Variants in NAV3 observed in about 807,000 individuals in gnomAD.
NAV3 encodes the protein pore membrane and/or filament interacting like protein 1.
NAV3 carries 87 observed loss-of-function variants against 244.7 expected under a neutral mutation model. That is an observed-to-expected ratio of 0.36 (90% CI 0.30 to 0.42). The LOEUF is 0.42. Among genes scored for constraint, NAV3 ranks in the 20% least tolerant of loss-of-function variants. The pLI, the probability that NAV3 is intolerant of heterozygous loss-of-function variation, is 1.00. For synonymous variants in NAV3, 1,126 were observed against 1,042.2 expected (o/e 1.08, Z -1.55); for missense variants, 2,663 against 2,893.3 (o/e 0.92, Z 1.83).
At chr12:78,080,046 C>T (rs887116981) in intron 12 of NAV3, among the ~76,000 whole-genome samples, 2 of 152,030 alleles carry the variant, frequency 1.3e-5, no homozygotes, top group African/African-American at 4.8e-5. Context: ...AACCTGTTGC[C>T]CTCTTCCCCA....
Position 77,889,022 on chromosome 12 carries a change from A to G in NAV3, c.244-51297A>G, listed in dbSNP as rs1044090536. Among the ~76,000 whole-genome samples the G allele has an allele frequency of 5.5e-4, 84 of 152,334 alleles. 1 individual carries two copies. Among genetic ancestry groups the G allele is most frequent in the African/African-American group, 1.9e-3 (81 of 41,584 alleles). ...CAAACCTGCATCTGCTGGGCCCAGC[A>G]TGATGGTTAGCATCCACCTTTTGTG... is the stretch of plus-strand genomic sequence containing the variant. On this transcript the variant is annotated intron_variant, in intron 1 of 39. Transcript: ENST00000397909.
intron 2 of NAV3, among the ~76,000 whole-genome samples, chr12:77,579,560 AT>A (rs1376376431): frequency 3.9e-5 from 6 of 152,192 alleles, no homozygotes; most frequent in Non-Finnish European, 7.4e-5. Flanking sequence ...CAACCCAACC[AT>A]GAGGGTGGAG....
At position 78,119,796 on chromosome 12, in the gene NAV3, A is replaced by G. The variant is rs753329600; in HGVS notation, c.3600A>G (p.Glu1200=). ...SPVTVNQTDK[E]KEKVAVSDSE... ...TCACCGTCAACCAAACAGACAAGGA[A>G]AAGGAAAAAGTAGCAGTCTCAGATT... Residue 1200 remains glutamate (E), a synonymous_variant, in exon 15 of 40, where the codon GAA becomes GAG. Transcript: ENST00000397909. 1.2e-6 allele frequency: 2 copies of G among 1,614,076 alleles called. No individual in the cohort carries two copies. Among genetic ancestry groups the G allele is most frequent in the Non-Finnish European group, 1.7e-6 (2 of 1,180,014 alleles).
At chr12:77,712,138 G>T (rs543209928) in intron 2 of NAV3, among the ~76,000 whole-genome samples, 2 of 152,008 alleles carry the variant, frequency 1.3e-5, no homozygotes, top group African/African-American at 4.8e-5. Flanking sequence ...ATATTATATT[G>T]TCTAACTTTG....
At chr12:78,176,604 T>C in intron 26 of NAV3, 145 bp downstream of exon 26, 1 of 801,594 alleles carries the variant, frequency 1.2e-6, no homozygotes, top group Non-Finnish European at 1.9e-6. Flanking sequence ...TTCATTTTAA[T>C]CTCAAATTTT....
intron 12 of NAV3, chr12:78,088,755 T>C (rs1042107858): frequency 2.0e-5 from 3 of 152,122 alleles, no homozygotes; most frequent in African/African-American, 7.2e-5. Flanking sequence ...AATTTGAAGA[T>C]GGGCTGCTTA....
At chr12:77,976,677 T>TTTTTTTTTTTTTTTTTTTTTTTG in intron 5 of NAV3, among the ~76,000 whole-genome samples, 1 of 130,034 alleles carries the variant, frequency 7.7e-6, no homozygotes, top group African/African-American at 3.0e-5. Context: ...TTTTTTTCTT[T>TTTTTTTTTTTTTTTTTTTTTTTG]TTTTTTTTTT....
chr12:77,653,202 C>G (rs1291135412), intron 2 of NAV3, among the ~76,000 whole-genome samples: 1 of 152,172 alleles, frequency 6.6e-6, no homozygotes, highest in Non-Finnish European at 1.5e-5. Context: ...CTCAGGTAGA[C>G]TTACGTAAGC....
At position 77,729,819 on chromosome 12, in the gene NAV3, A is replaced by C. The variant is rs1877043539; in HGVS notation, c.72+157553A>C. 3.3e-5 allele frequency among the ~76,000 whole-genome samples: 5 copies of C among 152,046 alleles called. No individual in the cohort carries two copies. In the South Asian group the frequency reaches 1.0e-3, roughly 32 times the overall value. ...GAAATATTCTAGACTTCAGGATATC[A>C]GACACAATAGAGGGCCTGAAAACAA... On this transcript the variant is annotated intron_variant, in intron 2 of 8. Coordinates refer to the NAV3 transcript ENST00000550042.
At chr12:78,038,946 T>C (rs1037091389) in intron 9 of NAV3, among the ~76,000 whole-genome samples, 1 of 152,156 alleles carries the variant, frequency 6.6e-6, no homozygotes, top group East Asian at 1.9e-4. Flanking sequence ...TTTTTGTGCA[T>C]AAATAACTTG....
intron 19 of NAV3, among the ~76,000 whole-genome samples, chr12:78,139,791 A>G (rs1359676950): frequency 6.6e-6 from 1 of 152,188 alleles, no homozygotes; most frequent in East Asian, 1.9e-4. Context: ...TTATAAGAGT[A>G]TGATCAACGC....
rs570742913 is a variant in NAV3 at position 78,175,002 on chromosome 12, C to T, written c.4982-304C>T. Among the ~76,000 whole-genome samples, 8 of 151,996 alleles carry T rather than the reference C, an allele frequency of 5.3e-5. 1 individual carries two copies. The Middle Eastern group carries it at 0.01, about 195-fold the overall frequency. On this transcript the variant is annotated intron_variant, in intron 24 of 39. Coordinates refer to ENST00000397909, the MANE Select transcript of NAV3 (RefSeq NM_001024383.2). ...AATCATTTTGGAAGAGCTGCTTGAT[C>T]CAGGTATTCAGTAGAAATCACTAGC...
In NAV3 at chr12:77,873,128, C is replaced by T. The variant is rs12301436; in HGVS notation, c.243+41424C>T. Among the ~76,000 whole-genome samples the T allele has an allele frequency of 6.2e-3, 950 of 152,270 alleles. 11 individuals carry two copies. Among genetic ancestry groups the T allele is most frequent in the African/African-American group, 0.021 (881 of 41,560 alleles). ...TTATATTTCTTTATTTATATTTATA[C>T]ACTTTATTCCTTCTTCACCTTCCAC... On this transcript the variant is annotated intron_variant, in intron 1 of 39. Coordinates refer to ENST00000397909, the MANE Select transcript of NAV3 (RefSeq NM_001024383.2).
intron 9 of NAV3, among the ~76,000 whole-genome samples, chr12:78,031,042 T>C (rs1441714991): frequency 1.3e-5 from 2 of 152,162 alleles, no homozygotes; most frequent in South Asian, 2.1e-4. Context: ...GGGGCCTCAG[T>C]GAGGAATAAT....
chr12:78,048,037 G>T (rs1023480214), intron 9 of NAV3, among the ~76,000 whole-genome samples: 1 of 151,928 alleles, frequency 6.6e-6, no homozygotes, highest in Non-Finnish European at 1.5e-5. Flanking sequence ...GAAGAATTTC[G>T]TGCTATGTTT....
chr12:78,162,246 T>C (rs1055113534), intron 23 of NAV3, among the ~76,000 whole-genome samples: 14 of 152,128 alleles, frequency 9.2e-5, no homozygotes, highest in African/African-American at 3.1e-4. Context: ...TCAACAATCC[T>C]GAGAAAAGGC....
At chr12:77,890,567 G>T (rs1409516582) in intron 1 of NAV3, among the ~76,000 whole-genome samples, 3 of 152,114 alleles carry the variant, frequency 2.0e-5, no homozygotes, top group African/African-American at 7.2e-5. Flanking sequence ...GTTATCAATA[G>T]TTGTTTCCAT....
At chr12:77,787,881 C>A (rs1002120488) in intron 2 of NAV3, among the ~76,000 whole-genome samples, 1 of 152,108 alleles carries the variant, frequency 6.6e-6, no homozygotes, top group South Asian at 2.1e-4. Flanking sequence ...AGACTTATGA[C>A]AATTATTAGG....
At chr12:78,197,946 CTT>C (rs908205856) in intron 35 of NAV3, among the ~76,000 whole-genome samples, 26 of 151,836 alleles carry the variant, frequency 1.7e-4, no homozygotes, top group African/African-American at 5.5e-4. Context: ...TAGAGATAAA[CTT>C]AATATATTCA....
Sources: gnomAD v4.1 joint callset for allele counts (sites outside exome capture counted in the v4.1 genomes callset) on GRCh38, gnomAD v4.1.1 for gene constraint, MANE v1.5 for transcripts, NCBI Gene and HGNC (gene_info 2026-07-23, HGNC 2026-07-21) for gene names.